Variants in PIGL observed in about 807,000 individuals in gnomAD.
PIGL encodes phosphatidylinositol glycan anchor biosynthesis class L.
A neutral mutation model predicts 31.1 loss-of-function variants in PIGL; 22 were observed. The observed-to-expected ratio is 0.71, with a 90% CI of 0.51 to 1.01. The LOEUF is 1.01. PIGL is among the 50% of genes least tolerant of loss of function. PIGL has a pLI of 0.00. For synonymous variants in PIGL, 131 were observed against 117.4 expected (o/e 1.12, Z -0.75); for missense variants, 302 against 315.9 (o/e 0.96, Z 0.33).
chr17:16,295,563 CTTGAGCCTGGAAGT>C (rs2092978153), intron 2 of PIGL, among the ~76,000 whole-genome samples: 1 of 152,036 alleles, frequency 6.6e-6, no homozygotes, highest in Non-Finnish European at 1.5e-5. Flanking sequence ...GGGAGGATCA[CTTGAGCCTGGAAGT>C]CAAGGCTCCA....
intron 6 of PIGL, among the ~76,000 whole-genome samples, chr17:16,318,565 C>T (rs1443498474): frequency 6.6e-6 from 1 of 152,012 alleles, no homozygotes; most frequent in Non-Finnish European, 1.5e-5. Flanking sequence ...TCCACTGTGC[C>T]CAGCCCTACT....
At chr17:16,325,034 G>A (rs1380832507) in intron 6 of PIGL, among the ~76,000 whole-genome samples, 6 of 151,984 alleles carry the variant, frequency 3.9e-5, no homozygotes, top group African/African-American at 1.2e-4. Flanking sequence ...TGAGGTAGTA[G>A]CAACGTGATT....
In PIGL at chr17:16,326,106, A is replaced by T; in HGVS notation, c.*208A>T. 1.8e-6 allele frequency: 1 copy of T among 553,742 alleles called. No individual in the cohort carries two copies. The highest frequency in any genetic ancestry group is 2.9e-5 in the East Asian group (1 of 34,100). The allele number at this position is 553,742 out of a possible 1,614,324, so 34.3% of individuals were successfully genotyped here. On this transcript the variant is annotated 3_prime_UTR_variant, in exon 7 of 7. Coordinates refer to ENST00000225609, the MANE Select transcript of PIGL (RefSeq NM_004278.4). The stretch of plus-strand genomic sequence containing the variant: ...AAACCCAAAGAACCAAAAACAAACC[A>T]CCCCAAGGATAATAATAGCTACACT...
Position 16,246,672 on chromosome 17 carries a change from C to CTTTTTTTTT in PIGL, c.335+12618_335+12626dup, listed in dbSNP as rs1197171634. 4.4e-4 allele frequency among the ~76,000 whole-genome samples: 28 copies of CTTTTTTTTT among 64,174 alleles called. 4 individuals are homozygous for CTTTTTTTTT. Among genetic ancestry groups the CTTTTTTTTT allele is most frequent in the African/African-American group, 1.4e-3 (25 of 17,434 alleles). The allele number at this position is 64,174 out of a possible 152,430, so 42.1% of individuals were successfully genotyped here. On this transcript the variant is annotated intron_variant, in intron 2 of 6. Coordinates refer to ENST00000225609, the MANE Select transcript of PIGL (RefSeq NM_004278.4). ...GCAGGCTAGAAGTCCAGATCAAGGTCTTTTTTTTTTTTTTTTTTTTTTTTG... is the reference window on the plus strand; with the variant it reads ...GCAGGCTAGAAGTCCAGATCAAGGTCTTTTTTTTTTTTTTTTTTTTTTTTTTTTTTTTTG...
At chr17:16,297,064 A>G (rs2092985770) in intron 2 of PIGL, among the ~76,000 whole-genome samples, 1 of 152,116 alleles carries the variant, frequency 6.6e-6, no homozygotes, top group Admixed American at 6.6e-5. Flanking sequence ...TATCTCATTG[A>G]CTCTTTCAAA....
At chr17:16,316,881 T>A (rs1446753135) in intron 5 of PIGL, 169 bp downstream of exon 5, 15 of 1,396,594 alleles carry the variant, frequency 1.1e-5, no homozygotes, top group Non-Finnish European at 1.2e-5. Context: ...GCAGGTTGTA[T>A]CTACCAGCAA....
At chr17:16,238,587 C>T (rs573439445) in intron 2 of PIGL, among the ~76,000 whole-genome samples, 1 of 150,172 alleles carries the variant, frequency 6.7e-6, no homozygotes, top group Non-Finnish European at 1.5e-5. Context: ...AGGCGCCCAC[C>T]ACCATGCCCA....
chr17:16,297,466 G>T (rs2092987330), intron 2 of PIGL, among the ~76,000 whole-genome samples: 1 of 152,184 alleles, frequency 6.6e-6, no homozygotes. Context: ...GTGTGCTAAA[G>T]TTCCATACAA....
chr17:16,240,400 A>G (rs1263633467), intron 2 of PIGL, among the ~76,000 whole-genome samples: 2 of 151,750 alleles, frequency 1.3e-5, no homozygotes, highest in Admixed American at 1.3e-4. Context: ...CTGGTTTGGA[A>G]CTCCTAGGCT....
chr17:16,272,164 C>T (rs561267597), intron 2 of PIGL, among the ~76,000 whole-genome samples: 38 of 152,300 alleles, frequency 2.5e-4, no homozygotes, highest in Middle Eastern at 3.4e-3. Flanking sequence ...TTATCCTTAG[C>T]CTGAAACAAG....
intron 3 of PIGL, 47 bp downstream of exon 3, chr17:16,300,025 T>A (rs1490784992): frequency 2.8e-6 from 4 of 1,429,486 alleles, no homozygotes; most frequent in Non-Finnish European, 4.0e-6. Flanking sequence ...CTTGGTCCCA[T>A]TCACACCAGG....
chr17:16,241,463 A>T (rs761374205), intron 2 of PIGL, among the ~76,000 whole-genome samples: 5 of 151,728 alleles, frequency 3.3e-5, no homozygotes, highest in African/African-American at 4.8e-5. Flanking sequence ...TGGTGCATGG[A>T]GGCTGAGGCA....
At chr17:16,238,909 C>CAAAA (rs892510303) in intron 2 of PIGL, among the ~76,000 whole-genome samples, 3 of 75,364 alleles carry the variant, frequency 4.0e-5, no homozygotes, top group African/African-American at 1.6e-4. Flanking sequence ...GACCCCGTCT[C>CAAAA]AAAAAAAAAA....
intron 2 of PIGL, among the ~76,000 whole-genome samples, chr17:16,290,360 C>T (rs2092955279): frequency 2.0e-5 from 3 of 150,196 alleles, no homozygotes; most frequent in South Asian, 4.3e-4. Context: ...TCTGTCCCCT[C>T]CCCTCCCCTC....
chr17:16,286,136 T>C (rs919253487), intron 2 of PIGL, among the ~76,000 whole-genome samples: 2 of 152,214 alleles, frequency 1.3e-5, no homozygotes, highest in African/African-American at 4.8e-5. Flanking sequence ...GAGGGGTGGC[T>C]GAACCTTCCG....
intron 2 of PIGL, among the ~76,000 whole-genome samples, chr17:16,268,872 C>T (rs1600803398): frequency 1.3e-5 from 2 of 152,176 alleles, no homozygotes; most frequent in South Asian, 2.1e-4. Flanking sequence ...AAGCAATTCT[C>T]CTGCCTCAGC....
Position 16,325,812 on chromosome 17 carries a change from T to A in PIGL, c.673T>A (p.Cys225Ser), listed in dbSNP as rs768570812. Residue 225 changes from cysteine (C) to serine (S), a missense_variant, in exon 7 of 7, where the codon TGC becomes AGC. Transcript: ENST00000225609. ...TTGATTCTTCTAGAAAGCCATGTCC[T>A]GCCACCGCAGCCAGCTCCTCTGGTT... ...EVAQAKKAMS[C>S]HRSQLLWFRR... The A allele has an allele frequency of 1.5e-5, 24 of 1,613,440 alleles. No homozygotes were observed.
intron 2 of PIGL, among the ~76,000 whole-genome samples, chr17:16,248,011 C>T (rs764564408): frequency 3.0e-4 from 46 of 152,124 alleles, no homozygotes; most frequent in Admixed American, 1.2e-3. Context: ...CCTCAGCCTC[C>T]CAAGTAGCCG....
At chr17:16,222,089 C>T (rs758128161) in intron 1 of PIGL, among the ~76,000 whole-genome samples, 2 of 151,996 alleles carry the variant, frequency 1.3e-5, no homozygotes, top group Non-Finnish European at 2.9e-5. Context: ...GTCATTCAAA[C>T]GTGTGGATTA....
Sources: allele counts gnomAD v4.1 joint callset (sites outside exome capture counted in the v4.1 genomes callset), GRCh38; gene constraint gnomAD v4.1.1; transcripts MANE v1.5; gene names NCBI Gene and HGNC (gene_info 2026-07-23, HGNC 2026-07-21).